ERC1: variants seen among roughly 807,000 people sequenced by gnomAD.
The protein encoded by ERC1 is RAB6 interacting protein 2.
A neutral mutation model predicts 132.0 loss-of-function variants in ERC1; 56 were observed. The observed-to-expected ratio is 0.42, with a 90% CI of 0.34 to 0.53. The LOEUF (loss-of-function observed/expected upper bound fraction) is 0.53, where lower values mean the gene tolerates loss of function less well. ERC1 is among the 20% of genes least tolerant of loss of function. The pLI is 0.03. For missense variants in ERC1, 1,202 were observed against 1,349.9 expected, an observed-to-expected ratio of 0.89 and a Z score of 1.72; for synonymous variants, 478 against 476.1, an observed-to-expected ratio of 1.00 and a Z score of -0.05.
At chr12:1,295,425 A>G (rs2154342296) in intron 15 of ERC1, among the ~76,000 whole-genome samples, 1 of 152,284 alleles carries the variant, frequency 6.6e-6, no homozygotes. Flanking sequence ...CTGGCTGAGG[A>G]CTAGGCTACG....
intron 1 of ERC1, among the ~76,000 whole-genome samples, chr12:999,252 G>T (rs535924528): frequency 1.1e-4 from 17 of 152,206 alleles, no homozygotes; most frequent in African/African-American, 2.9e-4. Context: ...TTTTTCATCT[G>T]TGTGCTGAGT....
chr12:1,468,816 C>G (rs999607653), intron 18 of ERC1, among the ~76,000 whole-genome samples: 3 of 152,132 alleles, frequency 2.0e-5, no homozygotes, highest in Non-Finnish European at 4.4e-5. Flanking sequence ...CATAATGAAG[C>G]TGAGGACAGA....
rs1805301881 is a variant in ERC1, at chr12:1,138,158, A to AT, written c.1570-3462_1570-3461insT. On this transcript the variant is annotated intron_variant, in intron 7 of 18. Transcript: ENST00000360905. ...ATAATATAATTATATTTATTTACAT[A>AT]ATATATATAATTGTATATAATATAT... is the stretch of plus-strand genomic sequence containing the variant. Among the ~76,000 whole-genome samples the AT allele has an allele frequency of 3.4e-5, 3 of 88,054 alleles. No individual in the cohort carries two copies. In the South Asian group the frequency reaches 8.1e-4, roughly 24 times the overall value. 57.8% of individuals were successfully genotyped at this position (88,054 alleles called of 152,430 possible).
chr12:1,040,038 T>G (rs1302271112), intron 2 of ERC1, among the ~76,000 whole-genome samples: 2 of 152,202 alleles, frequency 1.3e-5, no homozygotes, highest in African/African-American at 4.8e-5. Flanking sequence ...GATTTATGAT[T>G]TTTTTACAAA....
chr12:1,344,657 G>A (rs1328468427), intron 15 of ERC1, among the ~76,000 whole-genome samples: 2 of 152,122 alleles, frequency 1.3e-5, no homozygotes, highest in African/African-American at 4.8e-5. Context: ...TTCTCTTTCT[G>A]TTGTTGGAAC....
At chr12:1,473,629 CAA>C (rs34619342) in intron 18 of ERC1, among the ~76,000 whole-genome samples, 1,987 of 92,580 alleles carry the variant, frequency 0.021, 25 homozygotes, top group Non-Finnish European at 0.028. Context: ...GACTCTATCT[CAA>C]AAAAAAAAAA....
chr12:1,343,279 C>G (rs1394287149), intron 15 of ERC1, among the ~76,000 whole-genome samples: 1 of 152,182 alleles, frequency 6.6e-6, no homozygotes, highest in African/African-American at 2.4e-5. Context: ...TGCCATTCGT[C>G]CCAACTAGTA....
At chr12:1,174,227 C>T (rs1049212883) in intron 8 of ERC1, among the ~76,000 whole-genome samples, 2 of 152,240 alleles carry the variant, frequency 1.3e-5, no homozygotes, top group Non-Finnish European at 2.9e-5. Context: ...CTGGTTTGCA[C>T]CTATCTGTGT....
intron 2 of ERC1, among the ~76,000 whole-genome samples, chr12:1,042,649 ATTTT>A (rs200405201): frequency 6.8e-6 from 1 of 146,432 alleles, no homozygotes; most frequent in African/African-American, 2.5e-5. Flanking sequence ...AGTATTTTTA[ATTTT>A]TTTTTTTTTA....
rs1215312370 is a variant in ERC1, at chr12:1,348,412, C to T, written c.2781-23421C>T. Among the ~76,000 whole-genome samples the T allele has an allele frequency of 3.9e-5, 6 of 152,240 alleles. No individual in the cohort carries two copies. The East Asian group carries it at 7.7e-4, about 20-fold the overall frequency. On this transcript the variant is annotated intron_variant, in intron 15 of 18. Transcript: ENST00000360905. ...AAAAAATGTATAATGTCCAGCCAGG[C>T]GCAGTGGCTCACGCCTGTCATCTCA...
intron 15 of ERC1, among the ~76,000 whole-genome samples, chr12:1,294,127 A>T (rs1436221870): frequency 6.6e-6 from 1 of 152,118 alleles, no homozygotes; most frequent in Non-Finnish European, 1.5e-5. Context: ...TAACTCTCTC[A>T]TTCTGCTTCC....
intron 2 of ERC1, among the ~76,000 whole-genome samples, chr12:1,048,158 G>C (rs1023118923): frequency 1.3e-5 from 2 of 152,178 alleles, no homozygotes; most frequent in African/African-American, 4.8e-5. Context: ...CATTTGTTTG[G>C]TTTCTGTTTG....
rs1403388217 is a variant in ERC1 at position 1,371,898 on chromosome 12, C to T, written c.2846C>T (p.Ser949Phe). 1 of 1,614,118 alleles carries T rather than the reference C, an allele frequency of 6.2e-7. No individual in the cohort carries two copies. Among genetic ancestry groups the T allele is most frequent in the South Asian group, 1.1e-5 (1 of 91,066 alleles). ...DANIALLELS[S>F]SKKKTQEEVA... is the part of the protein sequence containing the mutation. ...AATATAGCTCTCTTGGAGCTTTCGT[C>T]CTCTAAGAAGAAGACCCAAGAGGAA... The change falls in exon 16 of 19, where the codon TCC becomes TTC. Residue 949 changes from serine to phenylalanine, a missense_variant. By Grantham distance (155) the Ser-to-Phe change is radical. Coordinates refer to ENST00000360905, the MANE Select transcript of ERC1 (RefSeq NM_178040.4).
intron 12 of ERC1, among the ~76,000 whole-genome samples, chr12:1,196,725 G>T (rs2154280366): frequency 6.6e-6 from 1 of 150,608 alleles, no homozygotes; most frequent in East Asian, 2.0e-4. Flanking sequence ...GAACTCCTGG[G>T]CTCAAGTGAT....
chr12:1,101,597 C>T lies in ERC1; in HGVS notation c.1087-3153C>T, dbSNP rs373689289. ...TTAGGTCATGTACCTGGGCTTTAAT[C>T]ACAAGAAAGGCTGGGCAACAAGTAT... On this transcript the variant is annotated intron_variant, in intron 3 of 18. Coordinates refer to ENST00000360905, the MANE Select transcript of ERC1 (RefSeq NM_178040.4). 3.0e-4 allele frequency among the ~76,000 whole-genome samples: 46 copies of T among 152,306 alleles called. 2 individuals are homozygous for T. The South Asian group carries it at 9.3e-3, about 31-fold the overall frequency.
At chr12:1,233,222 G>C (rs2075174971) in intron 12 of ERC1, among the ~76,000 whole-genome samples, 1 of 152,122 alleles carries the variant, frequency 6.6e-6, no homozygotes, top group East Asian at 1.9e-4. Flanking sequence ...TGTAATCCCA[G>C]CACTTTGGGA....
chr12:1,428,356 G>C (rs1285738406), intron 17 of ERC1, among the ~76,000 whole-genome samples: 1 of 152,164 alleles, frequency 6.6e-6, no homozygotes, highest in Non-Finnish European at 1.5e-5. Flanking sequence ...GTTATTTACA[G>C]TTTTCTGCAG....
At chr12:1,323,063 G>T (rs1566586064) in intron 15 of ERC1, among the ~76,000 whole-genome samples, 1 of 152,112 alleles carries the variant, frequency 6.6e-6, no homozygotes, top group Non-Finnish European at 1.5e-5. Context: ...GAAAAATTAT[G>T]TTGTAATCTT....
chr12:1,173,164 G>C (rs1380477736), intron 8 of ERC1, among the ~76,000 whole-genome samples: 1 of 152,150 alleles, frequency 6.6e-6, no homozygotes, highest in Non-Finnish European at 1.5e-5. Context: ...GATGCTTTAT[G>C]TGATTACTTT....
Sources: allele counts gnomAD v4.1 joint callset (sites outside exome capture counted in the v4.1 genomes callset), GRCh38; gene constraint gnomAD v4.1.1; transcripts MANE v1.5; gene names NCBI Gene and HGNC (gene_info 2026-07-23, HGNC 2026-07-21).